The following SPON1 variants were observed in gnomAD, a reference collection of about 807,000 sequenced individuals.
SPON1 encodes spondin-1.
A neutral mutation model predicts 111.7 loss-of-function variants in SPON1; 52 were observed. The ratio of observed to expected loss-of-function variants is 0.47; its 90% CI spans 0.37 to 0.59. SPON1 has a LOEUF of 0.59. SPON1 is among the 20% of genes least tolerant of loss of function. SPON1 has a pLI of 0.00. For synonymous variants in SPON1, 410 were observed against 395.8 expected (o/e 1.04, Z -0.43); for missense variants, 957 against 1,068.5 (o/e 0.90, Z 1.46).
At chr11:14,140,154 G>A (rs185035703) in intron 6 of SPON1, among the ~76,000 whole-genome samples, 9 of 152,188 alleles carry the variant, frequency 5.9e-5, no homozygotes, top group Non-Finnish European at 1.2e-4. Context: ...GCAGGGCCTT[G>A]TTGGGTTTCC....
At chr11:13,972,279 G>A (rs1220430532) in intron 1 of SPON1, among the ~76,000 whole-genome samples, 1 of 152,146 alleles carries the variant, frequency 6.6e-6, no homozygotes, top group East Asian at 1.9e-4. Flanking sequence ...GAATCACACT[G>A]AGCTTGCAGC....
chr11:14,006,174 T>G (rs1169648576), intron 2 of SPON1, among the ~76,000 whole-genome samples: 8 of 152,152 alleles, frequency 5.3e-5, no homozygotes, highest in African/African-American at 1.9e-4. Context: ...GAGTTCTGGA[T>G]TGCTAGTGCA....
intron 2 of SPON1, among the ~76,000 whole-genome samples, chr11:14,013,528 GT>G (rs1848421436): frequency 6.6e-6 from 1 of 152,176 alleles, no homozygotes; most frequent in Non-Finnish European, 1.5e-5. Flanking sequence ...TCACCAATGG[GT>G]TTGTGGCTGC....
At chr11:14,007,982 C>T (rs1489347823) in intron 2 of SPON1, among the ~76,000 whole-genome samples, 1 of 152,154 alleles carries the variant, frequency 6.6e-6, no homozygotes, top group Non-Finnish European at 1.5e-5. Context: ...TAAACATCTC[C>T]TCTCAAGATC....
intron 6 of SPON1, among the ~76,000 whole-genome samples, chr11:14,150,327 G>T (rs1460845426): frequency 2.0e-5 from 3 of 151,868 alleles, no homozygotes; most frequent in African/African-American, 4.8e-5. Context: ...GGAGTCAGGG[G>T]ATGGTGAGAG....
intron 1 of SPON1, among the ~76,000 whole-genome samples, chr11:13,979,291 G>T (rs1206211264): frequency 2.0e-5 from 3 of 152,088 alleles, no homozygotes; most frequent in African/African-American, 7.2e-5. Context: ...TTTTCTTATA[G>T]GGACATAAGT....
chr11:14,175,502 CCT>C (rs1383200454), intron 6 of SPON1, among the ~76,000 whole-genome samples: 3 of 152,214 alleles, frequency 2.0e-5, no homozygotes, highest in Admixed American at 6.5e-5. Context: ...CTGTGATACC[CCT>C]GTCTCCATTA....
chr11:14,224,019 T>C (rs563396660), intron 6 of SPON1, among the ~76,000 whole-genome samples: 6 of 152,350 alleles, frequency 3.9e-5, no homozygotes, highest in African/African-American at 1.4e-4. Context: ...GGCAGGAATG[T>C]TATAAGCAAA....
intron 2 of SPON1, among the ~76,000 whole-genome samples, chr11:13,986,100 C>T (rs1235382831): frequency 1.3e-5 from 2 of 152,166 alleles, no homozygotes; most frequent in Non-Finnish European, 2.9e-5. Context: ...CTGAGTTAGG[C>T]ATTGGGGATA....
chr11:14,077,780 C>T (rs368691042), intron 4 of SPON1, among the ~76,000 whole-genome samples: 16 of 151,058 alleles, frequency 1.1e-4, no homozygotes, highest in East Asian at 3.9e-4. Context: ...CTACCGTGCC[C>T]GGCCCTGCAT....
intron 6 of SPON1, among the ~76,000 whole-genome samples, chr11:14,155,047 C>T (rs1847827480): frequency 6.6e-6 from 1 of 152,172 alleles, no homozygotes; most frequent in Admixed American, 6.5e-5. Context: ...TCCTCATCTC[C>T]ATCTGAGACC....
intron 2 of SPON1, among the ~76,000 whole-genome samples, chr11:13,998,876 C>T (rs893958075): frequency 6.6e-6 from 1 of 152,210 alleles, no homozygotes; most frequent in African/African-American, 2.4e-5. Context: ...TGATAGACTT[C>T]TTTAATAGAC....
At chr11:14,061,910 A>G (rs1473895293) in intron 3 of SPON1, among the ~76,000 whole-genome samples, 4 of 152,238 alleles carry the variant, frequency 2.6e-5, no homozygotes, top group African/African-American at 9.6e-5. Flanking sequence ...GCAAATGGCA[A>G]TGTTGCTAAC....
At chr11:14,013,923 T>C (rs1283802235) in intron 2 of SPON1, among the ~76,000 whole-genome samples, 2 of 152,196 alleles carry the variant, frequency 1.3e-5, no homozygotes, top group Non-Finnish European at 2.9e-5. Flanking sequence ...GGGTGTTTTG[T>C]AGCGGGGAAA....
intron 5 of SPON1, among the ~76,000 whole-genome samples, chr11:14,126,517 T>C (rs1433614858): frequency 7.2e-5 from 11 of 152,200 alleles, no homozygotes; most frequent in Non-Finnish European, 1.6e-4. Context: ...CAAACTTACA[T>C]GTCTAATTAT....
chr11:14,036,327 T>C (rs748374669), intron 2 of SPON1, among the ~76,000 whole-genome samples: 2 of 152,200 alleles, frequency 1.3e-5, no homozygotes, highest in Non-Finnish European at 2.9e-5. Context: ...GAAGAAATGA[T>C]GTAGCTTAGT....
chr11:14,253,448 A>T (rs1354002436), intron 7 of SPON1, among the ~76,000 whole-genome samples: 1 of 152,228 alleles, frequency 6.6e-6, no homozygotes, highest in African/African-American at 2.4e-5. Flanking sequence ...AAGGTTTGAT[A>T]ATCTGCCCAA....
chr11:14,092,151 A>T (rs1450157962), intron 5 of SPON1, among the ~76,000 whole-genome samples: 1 of 152,196 alleles, frequency 6.6e-6, no homozygotes, highest in Non-Finnish European at 1.5e-5. Context: ...CCCTCCAAGG[A>T]CATTCTTAAG....
At chr11:14,069,023 A>G (rs1465955184) in intron 3 of SPON1, among the ~76,000 whole-genome samples, 2 of 152,238 alleles carry the variant, frequency 1.3e-5, no homozygotes, top group African/African-American at 2.4e-5. Context: ...GCAGAGTACA[A>G]TCACTTTGTA....
Sources: gnomAD v4.1 joint callset for allele counts (sites outside exome capture counted in the v4.1 genomes callset) on GRCh38, gnomAD v4.1.1 for gene constraint, MANE v1.5 for transcripts, NCBI Gene and HGNC (gene_info 2026-07-23, HGNC 2026-07-21) for gene names.